Variants in IQCK observed in about 807,000 individuals in gnomAD.
IQCK encodes the protein IQ domain-containing protein K.
Under a neutral mutation model 28.1 loss-of-function variants are expected in IQCK, and 29 were observed. That is an observed-to-expected ratio of 1.03 (90% CI 0.77 to 1.41). IQCK has a LOEUF of 1.41. Ranked by LOEUF, IQCK falls within the 40% of genes most tolerant of loss-of-function variation. IQCK has a pLI of 0.00. For missense variants in IQCK, 359 were observed against 314.7 expected (o/e 1.14, Z -1.07); for synonymous variants, 113 against 115.1 (o/e 0.98, Z 0.12).
intron 4 of IQCK, among the ~76,000 whole-genome samples, chr16:19,736,664 G>A (rs933389544): frequency 1.3e-5 from 2 of 152,258 alleles, no homozygotes; most frequent in Non-Finnish European, 1.5e-5. Context: ...CCAGGCACTC[G>A]CTCTGTGCCA....
At chr16:19,766,520 C>T (rs976386482) in intron 6 of IQCK, among the ~76,000 whole-genome samples, 9 of 152,206 alleles carry the variant, frequency 5.9e-5, no homozygotes, top group African/African-American at 1.7e-4. Flanking sequence ...AAGCAGGAAC[C>T]AAAGTTCTTA....
intron 2 of IQCK, among the ~76,000 whole-genome samples, chr16:19,732,572 C>T (rs1024248929): frequency 2.6e-5 from 4 of 152,214 alleles, no homozygotes; most frequent in South Asian, 2.1e-4. Context: ...GCGATCTTCC[C>T]GCCTTTTCCT....
downstream of IQCK, among the ~76,000 whole-genome samples, chr16:19,830,014 CGAAT>C (rs36097422): frequency 0.064 from 9,713 of 151,418 alleles, 789 homozygotes; most frequent in African/African-American, 0.19. Context: ...ATCAGTTGAA[CGAAT>C]GAATGAATGA....
At chr16:19,803,927 T>G (rs538825209) in intron 7 of IQCK, among the ~76,000 whole-genome samples, 1 of 152,248 alleles carries the variant, frequency 6.6e-6, no homozygotes, top group East Asian at 1.9e-4. Flanking sequence ...GGATGACAAA[T>G]GTGGGCCACC....
At chr16:19,724,209 G>A (rs188969534) in intron 1 of IQCK, among the ~76,000 whole-genome samples, 26 of 152,136 alleles carry the variant, frequency 1.7e-4, no homozygotes, top group African/African-American at 5.1e-4. Flanking sequence ...CTCAGTCCAC[G>A]TGGCCCCTCT....
exon 10 of IQCK, chr16:19,856,535 T>G: frequency 1.2e-6 from 2 of 1,613,672 alleles, no homozygotes; most frequent in Middle Eastern, 1.7e-4. Flanking sequence ...AAGATGAAAA[T>G]TCCATCATCT....
intron 1 of IQCK, 139 bp downstream of exon 1, chr16:19,718,626 T>A: frequency 1.4e-6 from 1 of 738,948 alleles, no homozygotes; most frequent in Non-Finnish European, 1.9e-6. Context: ...GGCTCCGCAT[T>A]TTACGCATGG....
intron 7 of IQCK, among the ~76,000 whole-genome samples, chr16:19,798,195 A>C (rs1261638411): frequency 3.5e-5 from 2 of 57,618 alleles, no homozygotes; most frequent in Non-Finnish European, 5.1e-5. Context: ...AGGCGGGTGG[A>C]TCACTTCAGG....
chr16:19,747,275 G>C, intron 4 of IQCK, among the ~76,000 whole-genome samples: 1 of 152,122 alleles, frequency 6.6e-6, no homozygotes, highest in South Asian at 2.1e-4. Context: ...GATGGCCTCA[G>C]CTGGGATGAG....
intron 7 of IQCK, among the ~76,000 whole-genome samples, chr16:19,815,016 T>C (rs1490323975): frequency 2.0e-5 from 3 of 152,152 alleles, no homozygotes; most frequent in African/African-American, 7.2e-5. Context: ...CGAATTCCTG[T>C]GCTCAAGTGA....
chr16:19,761,248 C>T (rs1400194789), intron 4 of IQCK: 1 of 361,920 alleles, frequency 2.8e-6, no homozygotes, highest in South Asian at 2.1e-5. Context: ...GGTTACATTC[C>T]GAAGGGGTTA....
chr16:19,745,425 G>A (rs772090039), intron 4 of IQCK, among the ~76,000 whole-genome samples: 7 of 152,178 alleles, frequency 4.6e-5, no homozygotes, highest in Non-Finnish European at 7.3e-5. Context: ...AAAGAGAGAG[G>A]AGGTGAGTTT....
intron 7 of IQCK, among the ~76,000 whole-genome samples, chr16:19,793,643 G>GT (rs1285541664): frequency 0.35 from 21,580 of 61,802 alleles, 6,419 homozygotes; most frequent in East Asian, 0.53. Flanking sequence ...TCTCAGTTGG[G>GT]TTTTTTTTTT....
At chr16:19,741,403 A>ATTATT (rs2054832635) in intron 4 of IQCK, among the ~76,000 whole-genome samples, 1 of 152,178 alleles carries the variant, frequency 6.6e-6, no homozygotes, top group South Asian at 2.1e-4. Flanking sequence ...TGCATATCTA[A>ATTATT]TATTTGACCA....
At chr16:19,730,689 T>C (rs891747991) in intron 2 of IQCK, among the ~76,000 whole-genome samples, 195 bp downstream of exon 2, 2 of 152,202 alleles carry the variant, frequency 1.3e-5, no homozygotes, top group Non-Finnish European at 2.9e-5. Context: ...CATAACCTCT[T>C]TGAGCATTAG....
chr16:19,750,884 A>T (rs1469072694), intron 4 of IQCK, among the ~76,000 whole-genome samples: 1 of 152,212 alleles, frequency 6.6e-6, no homozygotes, highest in Non-Finnish European at 1.5e-5. Context: ...GAAAATGAGG[A>T]CAGTCTGCGA....
At chr16:19,767,476 A>G (rs2055255855) in intron 6 of IQCK, among the ~76,000 whole-genome samples, 1 of 152,044 alleles carries the variant, frequency 6.6e-6, no homozygotes, top group African/African-American at 2.4e-5. Flanking sequence ...TCCTCCGACT[A>G]ACTGCCCTGG....
intron 6 of IQCK, among the ~76,000 whole-genome samples, chr16:19,775,645 G>A (rs2055381294): frequency 6.6e-6 from 1 of 152,150 alleles, no homozygotes; most frequent in Non-Finnish European, 1.5e-5. Context: ...CAAAAAGACT[G>A]TTGTAGGTTG....
intron 7 of IQCK, among the ~76,000 whole-genome samples, chr16:19,822,138 C>T (rs13332663): frequency 0.017 from 2,552 of 150,274 alleles, 56 homozygotes; most frequent in African/African-American, 0.059. Flanking sequence ...CAGTAATCCC[C>T]GCACTTTGGG....
Sources: gnomAD v4.1 joint callset for allele counts (sites outside exome capture counted in the v4.1 genomes callset) on GRCh38, gnomAD v4.1.1 for gene constraint, MANE v1.5 for transcripts, NCBI Gene and HGNC (gene_info 2026-07-23, HGNC 2026-07-21) for gene names.